INO80: variants seen among roughly 807,000 people sequenced by gnomAD.
The protein encoded by INO80 is chromatin-remodeling ATPase INO80.
Under a neutral mutation model 203.4 loss-of-function variants are expected in INO80, and 20 were observed. The ratio of observed to expected loss-of-function variants is 0.10; its 90% CI spans 0.07 to 0.14. The LOEUF (loss-of-function observed/expected upper bound fraction) is 0.14, where lower values mean the gene tolerates loss of function less well. Among genes scored for constraint, INO80 ranks in the 10% least tolerant of loss-of-function variants. INO80 has a pLI of 1.00. For missense variants in INO80, 1,419 were observed against 1,914.4 expected (o/e 0.74, Z 4.83); for synonymous variants, 726 against 685.2 (o/e 1.06, Z -0.93).
At chr15:41,057,817 A>AAAAGAAAG (rs1159770838) in intron 16 of INO80, among the ~76,000 whole-genome samples, 36 of 138,610 alleles carry the variant, frequency 2.6e-4, no homozygotes, top group African/African-American at 1.1e-3. Context: ...AAAAAAAAAA[A>AAAAGAAAG]AAAGAAAGAA....
In INO80 at chr15:40,997,541, A is replaced by T. The variant is rs1411134002; in HGVS notation, c.3558T>A (p.Thr1186=). ...TRAGGLGINL[T]AADTVIFYDS... ...TCTCATTACTTACTGTGTCTGCAGC[A>T]GTGAGATTGATACCCAGTCCTCCAG... The change falls in exon 29 of 36, where the codon ACT becomes ACA. Residue 1186 remains threonine, a synonymous_variant. Coordinates refer to ENST00000648947, the MANE Select transcript of INO80 (RefSeq NM_017553.3). The T allele has an allele frequency of 6.2e-7, 1 of 1,608,144 alleles. No homozygotes were observed. Among genetic ancestry groups the T allele is most frequent in the Admixed American group, 1.7e-5 (1 of 60,002 alleles).
chr15:41,102,799 ACT>A (rs1231675772), intron 1 of INO80, among the ~76,000 whole-genome samples: 1 of 151,984 alleles, frequency 6.6e-6, no homozygotes, highest in African/African-American at 2.4e-5. Flanking sequence ...TTGTTGAGTG[ACT>A]CTTGCTTTTG....
At chr15:41,000,402 T>C (rs922336187) in intron 28 of INO80, among the ~76,000 whole-genome samples, 1 of 151,928 alleles carries the variant, frequency 6.6e-6, no homozygotes, top group African/African-American at 2.4e-5. Flanking sequence ...AGCAAAAAGA[T>C]AAGAAATTTC....
At chr15:41,076,634 C>A (rs1300992105) in intron 9 of INO80, among the ~76,000 whole-genome samples, 1 of 152,028 alleles carries the variant, frequency 6.6e-6, no homozygotes, top group African/African-American at 2.4e-5. Flanking sequence ...CCCAGCTACA[C>A]TGGAGGCTGA....
At chr15:41,037,154 T>TGA (rs1555401673) in intron 24 of INO80, among the ~76,000 whole-genome samples, 1 of 151,486 alleles carries the variant, frequency 6.6e-6, no homozygotes, top group African/African-American at 2.4e-5. Context: ...ATTTCTCACT[T>TGA]GAAAAAAGAA....
At chr15:41,092,577 T>C (rs1336861593) in intron 4 of INO80, among the ~76,000 whole-genome samples, 1 of 151,702 alleles carries the variant, frequency 6.6e-6, no homozygotes, top group Non-Finnish European at 1.5e-5. Context: ...AGGAGAAATA[T>C]CCCAAATATC....
chr15:41,077,964 G>A (rs1039611292), intron 9 of INO80, among the ~76,000 whole-genome samples: 3 of 150,080 alleles, frequency 2.0e-5, no homozygotes, highest in African/African-American at 7.4e-5. Flanking sequence ...GTAGTGGCAC[G>A]ATCTCAGCTC....
At chr15:41,016,807 C>T (rs1224569400) in intron 26 of INO80, 2 of 152,488 alleles carry the variant, frequency 1.3e-5, no homozygotes, top group African/African-American at 4.8e-5. Context: ...ATCCTCCCAT[C>T]TCAGCCTCCT....
At chr15:41,068,082 A>C (rs1311122717) in intron 14 of INO80, among the ~76,000 whole-genome samples, 1 of 152,176 alleles carries the variant, frequency 6.6e-6, no homozygotes, top group Non-Finnish European at 1.5e-5. Context: ...TCTACCTTAG[A>C]CATTATAAGC....
chr15:41,037,554 T>A (rs2044599172), intron 24 of INO80, among the ~76,000 whole-genome samples: 1 of 152,168 alleles, frequency 6.6e-6, no homozygotes, highest in South Asian at 2.1e-4. Flanking sequence ...GTGTTAGTTG[T>A]TCTGGACATT....
chr15:41,052,685 A>AG (rs1268730417), intron 19 of INO80, among the ~76,000 whole-genome samples: 1 of 52,776 alleles, frequency 1.9e-5, no homozygotes, highest in Non-Finnish European at 4.8e-5. Context: ...AAAAAAAAAA[A>AG]AAAAAAAAAA....
chr15:40,987,252 C>CCA, intron 30 of INO80, 59 bp from the exon 31 acceptor site: 3 of 1,034,032 alleles, frequency 2.9e-6, no homozygotes, highest in Non-Finnish European at 4.6e-6. Flanking sequence ...TGGCAAATAT[C>CCA]CAGAAAAAGA....
intron 27 of INO80, 28 bp downstream of exon 27, chr15:41,016,060 C>A (rs745995473): frequency 1.3e-6 from 2 of 1,595,852 alleles, no homozygotes; most frequent in East Asian, 2.2e-5. Context: ...GTCAAGGTAT[C>A]CTAGGTCCCC....
In INO80 at chr15:41,003,231, A is replaced by G. The variant is rs183814824; in HGVS notation, c.3497+2362T>C. 4.2e-3 allele frequency among the ~76,000 whole-genome samples: 635 copies of G among 152,206 alleles called. 2 individuals carry two copies. Among genetic ancestry groups the G allele is most frequent in the Non-Finnish European group, 5.5e-3 (374 of 68,004 alleles). ...GAAATCAGGATACAAAATCCCACCT[A>G]TAATATAATAGTATAAATATAACCC... On this transcript the variant is annotated intron_variant, in intron 28 of 35. Coordinates refer to ENST00000648947, the MANE Select transcript of INO80 (RefSeq NM_017553.3).
intron 29 of INO80, among the ~76,000 whole-genome samples, chr15:40,994,504 C>T (rs2043854634): frequency 1.3e-5 from 2 of 151,818 alleles, no homozygotes; most frequent in Admixed American, 6.6e-5. Flanking sequence ...GCTGGGACTA[C>T]AGGCGCCCAC....
intron 5 of INO80, among the ~76,000 whole-genome samples, chr15:41,088,087 CTTTTTTT>C (rs943111352): frequency 1.1e-4 from 11 of 101,082 alleles, no homozygotes; most frequent in African/African-American, 3.2e-4. Flanking sequence ...GCTTGCTTTT[CTTTTTTT>C]TTTTTTTTTT....
chr15:41,032,435 G>C (rs561855314), intron 24 of INO80, among the ~76,000 whole-genome samples: 2 of 152,240 alleles, frequency 1.3e-5, no homozygotes, highest in African/African-American at 4.8e-5. Context: ...TAGTTTCCCA[G>C]AGCTTTCCAT....
intron 11 of INO80, among the ~76,000 whole-genome samples, chr15:41,072,745 C>T (rs922985007): frequency 6.7e-6 from 1 of 149,460 alleles, no homozygotes; most frequent in African/African-American, 2.4e-5. Flanking sequence ...TTTTTGAAAC[C>T]ATGATATGGC....
chr15:41,108,260 A>T (rs1288659181), intron 1 of INO80, among the ~76,000 whole-genome samples: 1 of 152,074 alleles, frequency 6.6e-6, no homozygotes, highest in Non-Finnish European at 1.5e-5. Flanking sequence ...GTAAGAAAGA[A>T]GATGAAGTCA....
Sources: allele counts gnomAD v4.1 joint callset (sites outside exome capture counted in the v4.1 genomes callset), GRCh38; gene constraint gnomAD v4.1.1; transcripts MANE v1.5; gene names NCBI Gene and HGNC (gene_info 2026-07-23, HGNC 2026-07-21).